The following MYOM2 variants were observed in gnomAD, a reference collection of about 807,000 sequenced individuals.
MYOM2 encodes myomesin-2.
Under a neutral mutation model 187.6 loss-of-function variants are expected in MYOM2, and 254 were observed. The ratio of observed to expected loss-of-function variants is 1.35; its 90% CI spans 1.22 to 1.50. The LOEUF is 1.50. MYOM2 is among the 40% of genes most tolerant of loss of function. MYOM2 has a pLI of 0.00. For synonymous variants in MYOM2, 981 were observed against 753.8 expected (o/e 1.30, Z -4.94); for missense variants, 2,796 against 1,924.0 (o/e 1.45, Z -8.48).
At chr8:2,120,918 G>A (rs1797431959) in intron 28 of MYOM2, among the ~76,000 whole-genome samples, 1 of 151,080 alleles carries the variant, frequency 6.6e-6, no homozygotes, top group Non-Finnish European at 1.5e-5. Flanking sequence ...TTTATTTTTG[G>A]TAGTGAATTT....
intron 14 of MYOM2, among the ~76,000 whole-genome samples, chr8:2,086,273 C>CTGGCACTCCACTGTCATGATCTCCGCG (rs1796040971): frequency 3.6e-5 from 3 of 84,462 alleles, no homozygotes; most frequent in African/African-American, 1.1e-4. Flanking sequence ...GTCATGATCT[C>CTGGCACTCCACTGTCATGATCTCCGCG]TGGCACCCCA....
At position 2,053,043 on chromosome 8, in the gene MYOM2, G is replaced by A. The variant is rs185604334; in HGVS notation, c.263+730G>A. Among the ~76,000 whole-genome samples the A allele has an allele frequency of 3.5e-4, 53 of 152,250 alleles. No homozygotes were observed. In the East Asian group the frequency reaches 4.2e-3, roughly 12 times the overall value. On this transcript the variant is annotated intron_variant, in intron 3 of 36. Transcript: ENST00000262113. ...ACAAAGTGAACAGTTAAACGTTCGC[G>A]GGTGCCTTGTTTTATACCTGCTGTA...
At chr8:2,049,623 G>C (rs532324874) in intron 1 of MYOM2, among the ~76,000 whole-genome samples, 39 of 152,294 alleles carry the variant, frequency 2.6e-4, no homozygotes, top group African/African-American at 9.4e-4. Context: ...TAGGAGTTCT[G>C]TCTTTAAATA....
At chr8:2,135,623 A>G (rs537807125) in intron 32 of MYOM2, among the ~76,000 whole-genome samples, 2 of 152,106 alleles carry the variant, frequency 1.3e-5, no homozygotes, top group East Asian at 1.9e-4. Flanking sequence ...TCTATCCTCC[A>G]CTGTCTTATA....
rs193225362 is a variant in MYOM2 at position 2,127,932 on chromosome 8, A to G, written c.3695-1195A>G. 4 of 151,890 alleles carry G rather than the reference A, an allele frequency of 2.6e-5. No individual in the cohort carries two copies. In the East Asian group the frequency reaches 7.7e-4, roughly 29 times the overall value. 9.4% of individuals were successfully genotyped at this position (151,890 alleles called of 1,614,324 possible). A position where few individuals can be genotyped will look rare whatever the true frequency, so the allele number is the denominator to read the frequency against. On this transcript the variant is annotated intron_variant, in intron 31 of 36. Coordinates refer to ENST00000262113, the MANE Select transcript of MYOM2 (RefSeq NM_003970.4). ...GTATTTAAGGATAAAAGGAAAACAA[A>G]GAGCTTCACCATCATAACAGTTTCT... is the stretch of plus-strand genomic sequence containing the variant.
At chr8:2,048,431 A>T (rs1258657873) in intron 1 of MYOM2, among the ~76,000 whole-genome samples, 1 of 152,246 alleles carries the variant, frequency 6.6e-6, no homozygotes, top group Non-Finnish European at 1.5e-5. Context: ...AATCCCAGTG[A>T]GCTGCATCTG....
intron 14 of MYOM2, among the ~76,000 whole-genome samples, chr8:2,089,238 A>AG (rs1796209827): frequency 4.4e-5 from 1 of 22,984 alleles, no homozygotes; most frequent in African/African-American, 8.4e-5. Flanking sequence ...CAAGGTTTTT[A>AG]AAGTAATTAC....
intron 32 of MYOM2, 98 bp downstream of exon 32, chr8:2,129,330 G>T (rs118140566): frequency 0.028 from 19,476 of 692,982 alleles, 322 homozygotes; most frequent in Middle Eastern, 0.033. Flanking sequence ...TCAAGGCACT[G>T]CCATTTCCCC....
rs762348648 is a variant in MYOM2 at position 2,090,145 on chromosome 8, C to G, written c.1782C>G (p.Ser594Arg). The G allele has an allele frequency of 2.5e-6, 4 of 1,613,878 alleles. No individual in the cohort carries two copies. Among genetic ancestry groups the G allele is most frequent in the Non-Finnish European group, 3.4e-6 (4 of 1,179,968 alleles). ...TGTCAGCAAACCGGCATGGCCTGAGCGAACCTTCGGAGATAACGTCCCCCA... is the reference window on the plus strand; with the variant it reads ...TGTCAGCAAACCGGCATGGCCTGAGGGAACCTTCGGAGATAACGTCCCCCA... ...RVLSANRHGL[S>R]EPSEITSPIQ... Residue 594 changes from serine to arginine, a missense_variant, in exon 15 of 37, where the codon AGC (serine) becomes AGG (arginine). Ser to Arg is a moderately radical substitution (Grantham distance 110). Transcript: ENST00000262113.
chr8:2,126,483 C>T (rs1009854737), intron 31 of MYOM2, among the ~76,000 whole-genome samples: 1 of 152,308 alleles, frequency 6.6e-6, no homozygotes, highest in South Asian at 2.1e-4. Context: ...CACACTCATA[C>T]ATGCACACAC....
intron 1 of MYOM2, among the ~76,000 whole-genome samples, chr8:2,049,493 T>C (rs543014829): frequency 9.2e-5 from 14 of 152,318 alleles, no homozygotes; most frequent in Admixed American, 3.3e-4. Context: ...GCACGTACCC[T>C]GGAGATCTGA....
At chr8:2,059,433 C>T (rs892212398) in intron 6 of MYOM2, among the ~76,000 whole-genome samples, 188 bp downstream of exon 6, 10 of 152,086 alleles carry the variant, frequency 6.6e-5, no homozygotes, top group African/African-American at 2.2e-4. Context: ...TCTTTAGTGT[C>T]TGGCCAGAGG....
intron 6 of MYOM2, among the ~76,000 whole-genome samples, chr8:2,062,995 G>C (rs1818900814): frequency 6.6e-6 from 1 of 152,220 alleles, no homozygotes; most frequent in Admixed American, 6.5e-5. Flanking sequence ...AATACCACAA[G>C]TCAATGATCC....
intron 18 of MYOM2, among the ~76,000 whole-genome samples, chr8:2,097,340 C>G (rs921752830): frequency 1.3e-5 from 2 of 152,150 alleles, no homozygotes; most frequent in Non-Finnish European, 2.9e-5. Context: ...ATGTTCTCAA[C>G]TTAAAAATTA....
chr8:2,077,343 C>G (rs1819463724), intron 11 of MYOM2, among the ~76,000 whole-genome samples: 1 of 151,468 alleles, frequency 6.6e-6, no homozygotes, highest in African/African-American at 2.4e-5. Context: ...AACAAAAAAA[C>G]AAAACAAAAA....
At chr8:2,142,258 C>T (rs979473791) in intron 34 of MYOM2, 117 bp from the exon 35 acceptor site, 15 of 1,017,276 alleles carry the variant, frequency 1.5e-5, no homozygotes, top group African/African-American at 3.2e-5. Context: ...AGAATGCAAA[C>T]GTATCTCCTT....
intron 6 of MYOM2, among the ~76,000 whole-genome samples, chr8:2,061,092 G>A (rs1416856718): frequency 2.0e-5 from 3 of 152,106 alleles, no homozygotes; most frequent in Non-Finnish European, 4.4e-5. Flanking sequence ...CTTGAGTTGG[G>A]CTGAGCTGGT....
At chr8:2,134,671 G>C (rs1798005704) in intron 32 of MYOM2, among the ~76,000 whole-genome samples, 1 of 152,092 alleles carries the variant, frequency 6.6e-6, no homozygotes, top group Non-Finnish European at 1.5e-5. Flanking sequence ...TATCCGTTTG[G>C]ACTCAGGGAT....
At chr8:2,099,025 G>C (rs1796596656) in intron 19 of MYOM2, 42 bp downstream of exon 19, 1 of 1,558,390 alleles carries the variant, frequency 6.4e-7, no homozygotes, top group Non-Finnish European at 8.7e-7. Flanking sequence ...CAGCGCACAG[G>C]CTGGCTGGGA....
Sources: gnomAD v4.1 joint callset for allele counts (sites outside exome capture counted in the v4.1 genomes callset) on GRCh38, gnomAD v4.1.1 for gene constraint, MANE v1.5 for transcripts, NCBI Gene and HGNC (gene_info 2026-07-23, HGNC 2026-07-21) for gene names.